Variants in RBBP8 observed in about 807,000 individuals in gnomAD.
The protein encoded by RBBP8 is DNA endonuclease RBBP8.
In RBBP8, 88 loss-of-function variants were observed where a neutral mutation model predicts 108.3. The observed-to-expected ratio is 0.81, with a 90% CI of 0.68 to 0.97. RBBP8 has a LOEUF of 0.97. RBBP8 is among the 50% of genes least tolerant of loss of function. The probability of loss-of-function intolerance (pLI) is 0.00; values close to 1 mark genes in which losing one functional copy is unlikely to be tolerated. For missense variants in RBBP8, 1,023 were observed against 1,049.0 expected (o/e 0.98, Z 0.34); for synonymous variants, 332 against 348.2 (o/e 0.95, Z 0.52).
intron 17 of RBBP8, among the ~76,000 whole-genome samples, chr18:23,020,621 A>G (rs2144840397): frequency 6.6e-6 from 1 of 152,072 alleles, no homozygotes; most frequent in East Asian, 1.9e-4. Flanking sequence ...TTTTAGAATA[A>G]AAGTTAAATC....
At chr18:23,011,827 G>T (rs1240096214) in intron 16 of RBBP8, among the ~76,000 whole-genome samples, 2 of 151,998 alleles carry the variant, frequency 1.3e-5, no homozygotes, top group African/African-American at 4.8e-5. Flanking sequence ...TGTGTGTTCT[G>T]GCTGCTCCAC....
chr18:22,983,112 T>C (rs549610335), intron 7 of RBBP8, among the ~76,000 whole-genome samples: 2 of 152,370 alleles, frequency 1.3e-5, no homozygotes, highest in African/African-American at 4.8e-5. Context: ...TCATTTCTGC[T>C]AAATGCTTTA....
At chr18:22,966,467 G>A (rs1315364052) in intron 4 of RBBP8, among the ~76,000 whole-genome samples, 4 of 151,344 alleles carry the variant, frequency 2.6e-5, no homozygotes, top group East Asian at 1.9e-4. Flanking sequence ...GGCCAGGCAC[G>A]GTAACTCATG....
intron 7 of RBBP8, among the ~76,000 whole-genome samples, chr18:22,984,540 G>A (rs1056837053): frequency 2.0e-5 from 3 of 152,178 alleles, no homozygotes; most frequent in East Asian, 3.9e-4. Flanking sequence ...ATGAGCCACT[G>A]TGCCCAGCCC....
chr18:22,981,092 C>T (rs986473085), intron 6 of RBBP8, among the ~76,000 whole-genome samples: 1 of 149,616 alleles, frequency 6.7e-6, no homozygotes, highest in Non-Finnish European at 1.5e-5. Context: ...CTGCCTCAGT[C>T]TCCCGGGAGC....
chr18:22,914,191 T>C (rs1436699963), exon 1 of RBBP8: 3 of 152,198 alleles, frequency 2.0e-5, no homozygotes, highest in African/African-American at 7.2e-5. Flanking sequence ...ACCAGTGTGG[T>C]CCAGAGAGGT....
chr18:23,022,533 C>T (rs1230492061), intron 18 of RBBP8, among the ~76,000 whole-genome samples: 1 of 150,766 alleles, frequency 6.6e-6, no homozygotes, highest in Non-Finnish European at 1.5e-5. Flanking sequence ...ACCCAAGAGA[C>T]AGAGGTTGCA....
chr18:22,992,736 C>G lies in RBBP8; in HGVS notation c.921-12C>G. Reference sequence around the variant, plus strand: ...ATTCTGTATTAAAGAATTGTTATCACTCTTTATTTAGATTTTCAGATTCTA... The same window carrying G: ...ATTCTGTATTAAAGAATTGTTATCAGTCTTTATTTAGATTTTCAGATTCTA... On this transcript the variant is annotated splice_polypyrimidine_tract_variant and intron_variant, in intron 10 of 18. Coordinates refer to ENST00000327155, the MANE Select transcript of RBBP8 (RefSeq NM_002894.3). 1 of 1,565,164 alleles carries G rather than the reference C, an allele frequency of 6.4e-7. No individual in the cohort carries two copies. Among genetic ancestry groups the G allele is most frequent in the Non-Finnish European group, 8.8e-7 (1 of 1,136,522 alleles).
chr18:22,998,796 G>A (rs1371488289), intron 14 of RBBP8, among the ~76,000 whole-genome samples: 1 of 152,150 alleles, frequency 6.6e-6, no homozygotes, highest in Non-Finnish European at 1.5e-5. Flanking sequence ...AGTAGTCTTT[G>A]CCTTATTTGT....
rs536888657 is a variant in RBBP8, at chr18:22,921,936, A to T, written c.-154+4910A>T. ...GTAAAGTTATAGTAAAAACAGATTG[A>T]CTACATTGGACCCTCGAGTAACACT... On this transcript the variant is annotated intron_variant, in intron 3 of 4. Coordinates refer to the RBBP8 transcript ENST00000577588. Among the ~76,000 whole-genome samples the T allele has an allele frequency of 2.0e-5, 3 of 152,304 alleles. No individual in the cohort carries two copies. The South Asian group carries it at 6.2e-4, about 32-fold the overall frequency.
intron 4 of RBBP8, among the ~76,000 whole-genome samples, chr18:22,962,391 C>G (rs1913179224): frequency 6.6e-6 from 1 of 151,872 alleles, no homozygotes; most frequent in African/African-American, 2.4e-5. Flanking sequence ...TCTTAAAACT[C>G]ACTCCCTCTC....
At chr18:22,924,652 G>A (rs376436209) in intron 3 of RBBP8, among the ~76,000 whole-genome samples, 1 of 150,596 alleles carries the variant, frequency 6.6e-6, no homozygotes, top group East Asian at 2.0e-4. Flanking sequence ...CAAACTTCTG[G>A]GCTCAAGTGA....
chr18:22,959,736 T>G (rs572481612), intron 4 of RBBP8, among the ~76,000 whole-genome samples: 37 of 149,638 alleles, frequency 2.5e-4, no homozygotes, highest in Middle Eastern at 6.8e-3. Flanking sequence ...GTGTGTGTGT[T>G]TGTGTGTGTG....
rs9962641 is a variant in RBBP8 at position 22,927,585 on chromosome 18, T to C, written c.-153-1798T>C. On this transcript the variant is annotated intron_variant, in intron 3 of 4. Transcript: ENST00000577588. Reference sequence around the variant, plus strand: ...TGAGATGTGCTGTAAAGGTAAAATATATAACAGATTTCAGAGACTTAGTAT... The same window carrying C: ...TGAGATGTGCTGTAAAGGTAAAATACATAACAGATTTCAGAGACTTAGTAT... Among the ~76,000 whole-genome samples the C allele has an allele frequency of 8.3e-3, 1,268 of 152,276 alleles. 20 individuals are homozygous for C. The highest frequency in any genetic ancestry group is 0.029 in the African/African-American group (1,219 of 41,554).
At chr18:22,941,024 A>T (rs1224949448) in intron 2 of RBBP8, among the ~76,000 whole-genome samples, 1 of 151,908 alleles carries the variant, frequency 6.6e-6, no homozygotes, top group Non-Finnish European at 1.5e-5. Context: ...ATGTATTCTT[A>T]AGTATTTTAT....
At chr18:22,995,370 G>A (rs962129855) in intron 12 of RBBP8, among the ~76,000 whole-genome samples, 2 of 151,822 alleles carry the variant, frequency 1.3e-5, no homozygotes, top group African/African-American at 2.4e-5. Flanking sequence ...TGTAGTTCCT[G>A]TGTATTTTAT....
intron 3 of RBBP8, among the ~76,000 whole-genome samples, chr18:22,927,611 G>A (rs1909839684): frequency 6.6e-6 from 1 of 152,044 alleles, no homozygotes; most frequent in Non-Finnish European, 1.5e-5. Context: ...GACTTAGTAT[G>A]AAGAAAAAGA....
chr18:22,976,274 TAGTC>T lies in RBBP8; in HGVS notation c.428+1058_428+1061del, dbSNP rs935252138. Among the ~76,000 whole-genome samples the T allele has an allele frequency of 3.3e-4, 50 of 152,228 alleles. 1 individual carries two copies. The highest frequency in any genetic ancestry group is 1.2e-3 in the Admixed American group (18 of 15,294). On this transcript the variant is annotated intron_variant, in intron 6 of 18. Transcript: ENST00000327155. ...CAAAGGGAATTTTGAGGAGAAATAA[TAGTC>T]AGATGAGGAAAGGAACCTATGAGAT... is the stretch of plus-strand genomic sequence containing the variant.
rs1271546157 is a variant in RBBP8, at chr18:22,993,637, A to G, written c.1810A>G (p.Lys604Glu). 2 of 1,614,130 alleles carry G rather than the reference A, an allele frequency of 1.2e-6. No homozygotes were observed. The highest frequency in any genetic ancestry group is 3.3e-5 in the Admixed American group (2 of 60,012). The change falls in exon 11 of 19, where the codon AAG (lysine) becomes GAG (glutamate). Residue 604 changes from lysine to glutamate, a missense_variant and splice_region_variant. By Grantham distance (56) the Lys-to-Glu change is moderately conservative. Coordinates refer to ENST00000327155, the MANE Select transcript of RBBP8 (RefSeq NM_002894.3). Reference protein sequence around the residue: ...LETENVLDDIKSAGSHEPIKI... With the variant: ...LETENVLDDIESAGSHEPIKI... Reference sequence around the variant, plus strand: ...GACTGAGAATGTTTTAGATGACATAAAGGTTTGTGTTAAATGTTCAAGGAT... The same window carrying G: ...GACTGAGAATGTTTTAGATGACATAGAGGTTTGTGTTAAATGTTCAAGGAT...
Sources: gnomAD v4.1 joint callset for allele counts (sites outside exome capture counted in the v4.1 genomes callset) on GRCh38, gnomAD v4.1.1 for gene constraint, MANE v1.5 for transcripts, NCBI Gene and HGNC (gene_info 2026-07-23, HGNC 2026-07-21) for gene names.